ZBTB20: variants seen among roughly 807,000 people sequenced by gnomAD.
ZBTB20 encodes zinc finger and BTB domain-containing protein 20.
ZBTB20 carries 9 observed loss-of-function variants against 56.9 expected under a neutral mutation model. The ratio of observed to expected loss-of-function variants is 0.16; its 90% CI spans 0.10 to 0.28. The LOEUF is 0.28. Ranked by LOEUF, ZBTB20 falls within the 10% of genes least tolerant of loss-of-function variation. The probability of loss-of-function intolerance (pLI) is 1.00; values close to 1 mark genes in which losing one functional copy is unlikely to be tolerated. For missense variants in ZBTB20, 655 were observed against 1,003.0 expected, an observed-to-expected ratio of 0.65 and a Z score of 4.69; for synonymous variants, 417 against 420.7, an observed-to-expected ratio of 0.99 and a Z score of 0.11.
At chr3:115,069,940 T>C (rs538685351) in intron 2 of ZBTB20, among the ~76,000 whole-genome samples, 5 of 152,148 alleles carry the variant, frequency 3.3e-5, no homozygotes, top group African/African-American at 7.2e-5. Context: ...ACTGAATAAA[T>C]TGATTTTAAC....
At chr3:114,732,317 C>T (rs1158173676) in intron 5 of ZBTB20, among the ~76,000 whole-genome samples, 1 of 152,110 alleles carries the variant, frequency 6.6e-6, no homozygotes, top group Admixed American at 6.6e-5. Context: ...TATTTTTAGG[C>T]TCTTCTCCTT....
At chr3:114,659,115 A>G (rs1455963122) in intron 6 of ZBTB20, among the ~76,000 whole-genome samples, 2 of 152,136 alleles carry the variant, frequency 1.3e-5, no homozygotes, top group Non-Finnish European at 2.9e-5. Context: ...TTTCACACAG[A>G]CTATTCGCTT....
At chr3:115,045,917 T>C (rs1342253504) in intron 2 of ZBTB20, among the ~76,000 whole-genome samples, 1 of 152,204 alleles carries the variant, frequency 6.6e-6, no homozygotes, top group Admixed American at 6.5e-5. Context: ...AACAAGCATG[T>C]GGACCACCAG....
At chr3:115,097,461 A>T (rs11922586) in intron 1 of ZBTB20, among the ~76,000 whole-genome samples, 24,524 of 151,654 alleles carry the variant, frequency 0.16, 3,143 homozygotes, top group African/African-American at 0.34. Context: ...TATTTTTTTT[A>T]AAAAAAATCT....
chr3:115,134,619 T>C (rs1205910887), intron 1 of ZBTB20, among the ~76,000 whole-genome samples: 3 of 152,212 alleles, frequency 2.0e-5, no homozygotes, highest in Admixed American at 6.5e-5. Context: ...TCAAATGAGA[T>C]ATATTTAATA....
chr3:114,671,505 G>A (rs1167182878), intron 6 of ZBTB20, among the ~76,000 whole-genome samples: 2 of 151,988 alleles, frequency 1.3e-5, no homozygotes, highest in Non-Finnish European at 2.9e-5. Context: ...TACAAAATGT[G>A]CTTTTACAAG....
At chr3:114,623,891 T>G (rs1271407260) in intron 6 of ZBTB20, among the ~76,000 whole-genome samples, 1 of 152,134 alleles carries the variant, frequency 6.6e-6, no homozygotes, top group Non-Finnish European at 1.5e-5. Context: ...AACCTATGCC[T>G]ACAGGCTGCT....
intron 4 of ZBTB20, among the ~76,000 whole-genome samples, chr3:114,819,395 T>C (rs1560286155): frequency 6.6e-6 from 1 of 151,820 alleles, no homozygotes; most frequent in South Asian, 2.1e-4. Context: ...AAAGCATTTT[T>C]GAAAAAAGAA....
intron 6 of ZBTB20, among the ~76,000 whole-genome samples, chr3:114,665,170 C>T (rs1019769627): frequency 6.6e-6 from 1 of 151,820 alleles, no homozygotes; most frequent in Non-Finnish European, 1.5e-5. Flanking sequence ...CATGGTGGTC[C>T]CATAGATTAT....
intron 3 of ZBTB20, among the ~76,000 whole-genome samples, chr3:114,902,060 C>A (rs1162455722): frequency 6.6e-6 from 1 of 152,126 alleles, no homozygotes; most frequent in Non-Finnish European, 1.5e-5. Context: ...AATTCAGTCA[C>A]AAATAAAACC....
intron 7 of ZBTB20, among the ~76,000 whole-genome samples, chr3:114,420,203 C>G (rs552633707): frequency 1.3e-5 from 2 of 152,220 alleles, no homozygotes; most frequent in Admixed American, 1.3e-4. Context: ...ATTAGCATCT[C>G]TATAGATAGA....
chr3:114,584,526 TA>T (rs540747173), intron 6 of ZBTB20, among the ~76,000 whole-genome samples: 636 of 141,762 alleles, frequency 4.5e-3, no homozygotes, highest in South Asian at 0.014. Flanking sequence ...CTAACTCTGT[TA>T]AAAAAAAAAA....
intron 6 of ZBTB20, among the ~76,000 whole-genome samples, chr3:114,535,797 A>T (rs1273407908): frequency 2.0e-5 from 3 of 152,220 alleles, no homozygotes; most frequent in Non-Finnish European, 4.4e-5. Flanking sequence ...ATCCACCACG[A>T]TCAAGTTGGC....
At chr3:114,949,731 C>T (rs2076999783) in intron 3 of ZBTB20, among the ~76,000 whole-genome samples, 1 of 149,512 alleles carries the variant, frequency 6.7e-6, no homozygotes, top group South Asian at 2.1e-4. Flanking sequence ...CGCACCACTG[C>T]ACTCCAGCCT....
intron 6 of ZBTB20, among the ~76,000 whole-genome samples, chr3:114,681,028 T>TA (rs1346729096): frequency 6.6e-6 from 1 of 152,202 alleles, no homozygotes; most frequent in East Asian, 1.9e-4. Flanking sequence ...GACTAACATT[T>TA]ACAAAGCTAT....
chr3:115,014,579 AAAT>A (rs145961683), intron 2 of ZBTB20, among the ~76,000 whole-genome samples: 5,285 of 151,594 alleles, frequency 0.035, 113 homozygotes, highest in African/African-American at 0.05. Context: ...TTAAAAATAA[AAAT>A]AATAAATAAA....
chr3:114,882,188 C>A (rs1485578247), intron 4 of ZBTB20, among the ~76,000 whole-genome samples: 2 of 151,764 alleles, frequency 1.3e-5, no homozygotes, highest in Non-Finnish European at 2.9e-5. Context: ...ATGTAAATGG[C>A]CAGTGAAATT....
chr3:114,706,291 T>C (rs1407418158), intron 5 of ZBTB20, among the ~76,000 whole-genome samples: 2 of 152,188 alleles, frequency 1.3e-5, no homozygotes, highest in Non-Finnish European at 2.9e-5. Flanking sequence ...AAAGGGGGCA[T>C]TAAATATTAA....
chr3:114,564,948 T>C lies in ZBTB20; in HGVS notation c.-294-64557A>G, dbSNP rs1577597260. ...GTTAACTCAAATGTCTTCCTTCTCTTACCTAAAATATCTGCTTGCCTGACC... is the reference window on the plus strand; with the variant it reads ...GTTAACTCAAATGTCTTCCTTCTCTCACCTAAAATATCTGCTTGCCTGACC... On this transcript the variant is annotated intron_variant, in intron 6 of 11. Coordinates refer to ENST00000675478, the MANE Select transcript of ZBTB20 (RefSeq NM_001348800.3). Among the ~76,000 whole-genome samples the C allele has an allele frequency of 2.0e-5, 3 of 152,290 alleles. No individual in the cohort carries two copies. In the South Asian group the frequency reaches 6.2e-4, roughly 32 times the overall value.
Sources: allele counts gnomAD v4.1 joint callset (sites outside exome capture counted in the v4.1 genomes callset), GRCh38; gene constraint gnomAD v4.1.1; transcripts MANE v1.5; gene names NCBI Gene and HGNC (gene_info 2026-07-23, HGNC 2026-07-21).